LPP: variants seen among roughly 807,000 people sequenced by gnomAD.
LPP encodes the protein LIM domain containing preferred translocation partner in lipoma.
LPP carries 38 observed loss-of-function variants against 60.4 expected under a neutral mutation model. The ratio of observed to expected loss-of-function variants is 0.63; its 90% CI spans 0.49 to 0.83. The LOEUF (loss-of-function observed/expected upper bound fraction) is 0.83, where lower values mean the gene tolerates loss of function less well. Among genes scored for constraint, LPP ranks in the 40% least tolerant of loss-of-function variants. The pLI is 0.00. For missense variants in LPP, 902 were observed against 783.6 expected, an observed-to-expected ratio of 1.15 and a Z score of -1.80; for synonymous variants, 328 against 290.8, an observed-to-expected ratio of 1.13 and a Z score of -1.30.
intron 1 of LPP, among the ~76,000 whole-genome samples, chr3:188,167,590 G>GTT (rs35903893): frequency 0.62 from 85,700 of 138,908 alleles, 26,582 homozygotes; most frequent in East Asian, 0.8. Flanking sequence ...TGTGTGTGTT[G>GTT]TTTTTTTTTT....
intron 3 of LPP, among the ~76,000 whole-genome samples, chr3:188,391,779 T>TAA (rs10677567): frequency 0.01 from 1,525 of 151,970 alleles, 28 homozygotes; most frequent in African/African-American, 0.035. Context: ...CACTGAGACA[T>TAA]GAGTCCAGCT....
chr3:188,473,757 T>C (rs1802443837), intron 4 of LPP, among the ~76,000 whole-genome samples: 1 of 152,206 alleles, frequency 6.6e-6, no homozygotes, highest in Non-Finnish European at 1.5e-5. Flanking sequence ...CAAATTTAAA[T>C]GTCTCTTTAT....
At chr3:188,800,171 G>GTT (rs1428774049) in intron 9 of LPP, among the ~76,000 whole-genome samples, 18 of 56,042 alleles carry the variant, frequency 3.2e-4, no homozygotes, top group Non-Finnish European at 5.6e-4. Context: ...ATTTAACATT[G>GTT]TTTCTTTTTT....
intron 9 of LPP, among the ~76,000 whole-genome samples, chr3:188,761,649 C>T (rs981547335): frequency 2.0e-5 from 3 of 152,160 alleles, no homozygotes; most frequent in Admixed American, 2.0e-4. Flanking sequence ...TATTCACGCT[C>T]CACAGTCTTA....
At chr3:188,729,781 C>T (rs1001050540) in intron 8 of LPP, among the ~76,000 whole-genome samples, 1 of 150,576 alleles carries the variant, frequency 6.6e-6, no homozygotes, top group African/African-American at 2.5e-5. Flanking sequence ...AGTTCAAGAC[C>T]AGCCTGGGCA....
intron 1 of LPP, among the ~76,000 whole-genome samples, chr3:188,181,242 A>G (rs1239563920): frequency 6.6e-6 from 1 of 151,736 alleles, no homozygotes; most frequent in Non-Finnish European, 1.5e-5. Flanking sequence ...AATCCCAGCT[A>G]CTCAGGAGGC....
chr3:188,863,002 A>G (rs1006032869), intron 9 of LPP, among the ~76,000 whole-genome samples: 6 of 152,118 alleles, frequency 3.9e-5, no homozygotes, highest in African/African-American at 1.4e-4. Flanking sequence ...TCCCTCTATG[A>G]TCCTTACAAT....
chr3:188,742,786 A>C (rs1415802572), intron 8 of LPP, among the ~76,000 whole-genome samples: 1 of 152,196 alleles, frequency 6.6e-6, no homozygotes, highest in African/African-American at 2.4e-5. Context: ...CAAAGTGTAC[A>C]GTTAAAATGG....
chr3:188,297,191 C>T lies in LPP; in HGVS notation c.-66-44472C>T, dbSNP rs528736573. ...TATGCAACACCAATTGAAGGACACA[C>T]TTAGATAACTCAGCCTTGAGTCAAC... On this transcript the variant is annotated intron_variant, in intron 2 of 11. Transcript: ENST00000617246. Among the ~76,000 whole-genome samples, 30 of 152,312 alleles carry T rather than the reference C, an allele frequency of 2.0e-4. No individual in the cohort carries two copies. In the East Asian group the frequency reaches 5.6e-3, roughly 28 times the overall value.
At chr3:188,156,065 C>T (rs1441409724) in intron 1 of LPP, among the ~76,000 whole-genome samples, 1 of 151,994 alleles carries the variant, frequency 6.6e-6, no homozygotes, top group Non-Finnish European at 1.5e-5. Context: ...TGCATTTTTG[C>T]ATTTAATTTC....
chr3:188,614,751 G>A (rs1474488887), intron 7 of LPP, among the ~76,000 whole-genome samples: 1 of 152,200 alleles, frequency 6.6e-6, no homozygotes, highest in Admixed American at 6.5e-5. Context: ...GATGGCAGGA[G>A]CTCCTCATCA....
chr3:188,357,623 G>A (rs1404560763), intron 3 of LPP, among the ~76,000 whole-genome samples: 2 of 152,172 alleles, frequency 1.3e-5, no homozygotes, highest in Non-Finnish European at 2.9e-5. Flanking sequence ...AAATTCTGGA[G>A]TGGTTCCTTG....
intron 1 of LPP, among the ~76,000 whole-genome samples, chr3:188,160,566 C>T (rs1324661379): frequency 6.6e-6 from 1 of 152,208 alleles, no homozygotes; most frequent in Non-Finnish European, 1.5e-5. Context: ...TCTGTCTCTG[C>T]CTGTTGTAAA....
At chr3:188,723,308 T>C (rs1180692087) in intron 8 of LPP, among the ~76,000 whole-genome samples, 1 of 152,204 alleles carries the variant, frequency 6.6e-6, no homozygotes, top group Non-Finnish European at 1.5e-5. Context: ...TCTGCAAGGC[T>C]GAGAGTTGCA....
chr3:188,240,448 A>T (rs1577479316), intron 2 of LPP, among the ~76,000 whole-genome samples: 1 of 152,032 alleles, frequency 6.6e-6, no homozygotes, highest in South Asian at 2.1e-4. Flanking sequence ...GTTTGACAGT[A>T]GCAACTTCAT....
chr3:188,672,000 A>G (rs536224959), intron 7 of LPP, among the ~76,000 whole-genome samples: 1 of 151,616 alleles, frequency 6.6e-6, no homozygotes, highest in African/African-American at 2.4e-5. Flanking sequence ...GGGCAAAAAG[A>G]CATATAGCAA....
intron 3 of LPP, among the ~76,000 whole-genome samples, chr3:188,404,990 T>C (rs1273852525): frequency 6.6e-6 from 1 of 152,182 alleles, no homozygotes; most frequent in Non-Finnish European, 1.5e-5. Flanking sequence ...TCAAATATTA[T>C]ATGCAATCTG....
chr3:188,311,385 A>G (rs182467072), intron 2 of LPP, among the ~76,000 whole-genome samples: 1 of 152,084 alleles, frequency 6.6e-6, no homozygotes, highest in African/African-American at 2.4e-5. Context: ...AGGCTGAGGC[A>G]GGAACATTGC....
At chr3:188,287,140 AT>A (rs1405472718) in intron 2 of LPP, among the ~76,000 whole-genome samples, 1 of 152,200 alleles carries the variant, frequency 6.6e-6, no homozygotes, top group Non-Finnish European at 1.5e-5. Context: ...ACCTCAAGTG[AT>A]CCCCCCACCT....
Sources: allele counts gnomAD v4.1 joint callset (sites outside exome capture counted in the v4.1 genomes callset), GRCh38; gene constraint gnomAD v4.1.1; transcripts MANE v1.5; gene names NCBI Gene and HGNC (gene_info 2026-07-23, HGNC 2026-07-21).